Variants in NRXN1 observed in about 807,000 individuals in gnomAD.
NRXN1 encodes neurexin 1.
Under a neutral mutation model 150.9 loss-of-function variants are expected in NRXN1, and 39 were observed. The ratio of observed to expected loss-of-function variants is 0.26; its 90% confidence interval spans 0.20 to 0.34. The LOEUF (loss-of-function observed/expected upper bound fraction) is 0.34, where lower values mean the gene tolerates loss of function less well. NRXN1 is among the 10% of genes least tolerant of loss of function. The pLI, the probability that NRXN1 is intolerant of heterozygous loss-of-function variation, is 1.00. For missense variants in NRXN1, 1,815 were observed against 1,949.9 expected (o/e 0.93, Z 1.30); for synonymous variants, 924 against 757.0 (o/e 1.22, Z -3.62).
intron 18 of NRXN1, among the ~76,000 whole-genome samples, chr2:50,157,796 A>G (rs1446195466): frequency 6.6e-6 from 1 of 152,008 alleles, no homozygotes; most frequent in Non-Finnish European, 1.5e-5. Context: ...GGCACTCTGG[A>G]TTTCCAAGGA....
At chr2:50,314,136 T>C (rs1385346605) in intron 17 of NRXN1, among the ~76,000 whole-genome samples, 3 of 152,074 alleles carry the variant, frequency 2.0e-5, no homozygotes, top group African/African-American at 4.8e-5. Flanking sequence ...GTCTTAATCT[T>C]AATAATGGAA....
intron 17 of NRXN1, among the ~76,000 whole-genome samples, chr2:50,444,165 T>C (rs2086200107): frequency 6.6e-6 from 1 of 152,198 alleles, no homozygotes; most frequent in Admixed American, 6.5e-5. Context: ...TCTTCTCTGA[T>C]AAAAATCTTT....
At chr2:50,649,259 T>TACACACACACACACAC (rs10634117) in intron 5 of NRXN1, among the ~76,000 whole-genome samples, 3 of 143,242 alleles carry the variant, frequency 2.1e-5, no homozygotes, top group African/African-American at 7.8e-5. Flanking sequence ...CATACACACA[T>TACACACACACACACAC]ACACACACAC....
At chr2:50,496,639 A>G (rs878996648) in intron 14 of NRXN1, among the ~76,000 whole-genome samples, 1 of 152,010 alleles carries the variant, frequency 6.6e-6, no homozygotes, top group Admixed American at 6.6e-5. Context: ...TTTTCTGTTT[A>G]TGTGTTCATC....
intron 5 of NRXN1, among the ~76,000 whole-genome samples, chr2:50,828,737 T>A (rs1229470116): frequency 6.6e-6 from 1 of 151,040 alleles, no homozygotes. Context: ...CCCTCCTCAC[T>A]TTCCAGACTG....
intron 17 of NRXN1, among the ~76,000 whole-genome samples, chr2:50,263,952 C>A (rs2068579046): frequency 6.6e-6 from 1 of 152,070 alleles, no homozygotes; most frequent in East Asian, 1.9e-4. Context: ...AAATCAATGG[C>A]CTGTTACTGC....
intron 8 of NRXN1, among the ~76,000 whole-genome samples, chr2:50,561,930 T>C (rs960664928): frequency 6.6e-6 from 1 of 152,226 alleles, no homozygotes; most frequent in African/African-American, 2.4e-5. Flanking sequence ...TATCTCACCA[T>C]AACTTGGGGT....
chr2:50,232,385 TTC>T (rs58123147), intron 18 of NRXN1, among the ~76,000 whole-genome samples: 39,022 of 113,778 alleles, frequency 0.34, 5,507 homozygotes, highest in Non-Finnish European at 0.37. Flanking sequence ...TTCTTTTCTT[TTC>T]TTTTTTTTTT....
At chr2:50,285,958 A>C (rs2072104952) in intron 17 of NRXN1, among the ~76,000 whole-genome samples, 1 of 152,138 alleles carries the variant, frequency 6.6e-6, no homozygotes, top group South Asian at 2.1e-4. Flanking sequence ...AAATTTTAAC[A>C]AACAGCTACC....
intron 5 of NRXN1, among the ~76,000 whole-genome samples, chr2:50,686,936 A>G (rs1191479421): frequency 1.3e-5 from 2 of 152,174 alleles, no homozygotes; most frequent in Non-Finnish European, 1.5e-5. Flanking sequence ...CAATTCTCTA[A>G]AGTTTATGTT....
chr2:50,755,288 CAG>C (rs1186773537), intron 5 of NRXN1, among the ~76,000 whole-genome samples: 1 of 151,862 alleles, frequency 6.6e-6, no homozygotes, highest in East Asian at 1.9e-4. Context: ...AGTAACCTCT[CAG>C]AGTCTTCATT....
At chr2:50,847,126 C>A (rs1335142661) in intron 5 of NRXN1, among the ~76,000 whole-genome samples, 2 of 152,024 alleles carry the variant, frequency 1.3e-5, no homozygotes, top group East Asian at 3.9e-4. Context: ...TGACATGCAT[C>A]AGGGGGAGGT....
At chr2:50,533,871 C>T (rs531569626) in intron 10 of NRXN1, among the ~76,000 whole-genome samples, 61 of 152,244 alleles carry the variant, frequency 4.0e-4, no homozygotes, top group Non-Finnish European at 6.5e-4. Flanking sequence ...AATGTTACTC[C>T]AGAGAGACCT....
In NRXN1 at chr2:50,923,226, C is replaced by T. The variant is rs1044942815; in HGVS notation, c.791-539G>A. ...ATGTCTCCTTGTCTGACACATGTAGCGGCTGACTAGGCTTGTTCAAATACA... is the reference window on the plus strand; with the variant it reads ...ATGTCTCCTTGTCTGACACATGTAGTGGCTGACTAGGCTTGTTCAAATACA... On this transcript the variant is annotated intron_variant, in intron 3 of 22. Transcript: ENST00000401669. 5.3e-5 allele frequency among the ~76,000 whole-genome samples: 8 copies of T among 151,758 alleles called. No individual in the cohort carries two copies. The East Asian group carries it at 9.7e-4, about 18-fold the overall frequency.
rs550851120 is a variant in NRXN1, at chr2:50,506,730, GA to G, written c.2375-114del. ...GGGAAGGTGAGGGAGAGAGAGGAGA[GA>G]AAGAAGAAAGGAAGAAAGAGAGAGA... On this transcript the variant is annotated intron_variant, in intron 12 of 22. Coordinates refer to ENST00000401669, the MANE Select transcript of NRXN1 (RefSeq NM_001330078.2). 4.6e-4 allele frequency: 463 copies of G among 1,006,652 alleles called. 3 individuals are homozygous for G. The African/African-American group carries it at 6.7e-3, about 15-fold the overall frequency. The allele number at this position is 1,006,652 out of a possible 1,614,324, so 62.4% of individuals were successfully genotyped here. A position where few individuals can be genotyped will look rare whatever the true frequency, so the allele number is the denominator to read the frequency against.
chr2:50,552,482 CA>C, intron 9 of NRXN1, 104 bp downstream of exon 9: 1 of 816,808 alleles, frequency 1.2e-6, no homozygotes, highest in Non-Finnish European at 2.0e-6. Flanking sequence ...GCTAAAGAAA[CA>C]AATGCAGGAA....
intron 19 of NRXN1, among the ~76,000 whole-genome samples, chr2:50,086,107 A>C (rs1049669316): frequency 6.6e-6 from 1 of 152,200 alleles, no homozygotes. Flanking sequence ...CCCTCCTTCA[A>C]ATGTAATGAT....
intron 2 of NRXN1, among the ~76,000 whole-genome samples, chr2:50,982,757 T>G (rs534881241): frequency 6.6e-6 from 1 of 152,126 alleles, no homozygotes; most frequent in Non-Finnish European, 1.5e-5. Flanking sequence ...ATAGTTTGCA[T>G]GTCTAGTTGA....
chr2:50,122,700 C>T (rs139566666), intron 18 of NRXN1, among the ~76,000 whole-genome samples: 10 of 152,356 alleles, frequency 6.6e-5, no homozygotes, highest in African/African-American at 2.4e-4. Flanking sequence ...TCCATTAACA[C>T]ATGTTCCTTG....
Sources: gnomAD v4.1 joint callset for allele counts (sites outside exome capture counted in the v4.1 genomes callset) on GRCh38, gnomAD v4.1.1 for gene constraint, MANE v1.5 for transcripts, NCBI Gene and HGNC (gene_info 2026-07-23, HGNC 2026-07-21) for gene names.